Variants in TOLLIP observed in about 807,000 individuals in gnomAD.
TOLLIP encodes toll-interacting protein.
Under a neutral mutation model 33.5 loss-of-function variants are expected in TOLLIP, and 16 were observed. The ratio of observed to expected loss-of-function variants is 0.48; its 90% CI spans 0.32 to 0.72. The LOEUF is 0.72. Ranked by LOEUF, TOLLIP falls within the 30% of genes least tolerant of loss-of-function variation. The pLI is 0.03. For synonymous variants in TOLLIP, 176 were observed against 163.7 expected, an observed-to-expected ratio of 1.07 and a Z score of -0.57; for missense variants, 325 against 396.6, an observed-to-expected ratio of 0.82 and a Z score of 1.53.
chr11:1,282,443 A>AT (rs1863531930), intron 5 of TOLLIP, among the ~76,000 whole-genome samples: 1 of 151,848 alleles, frequency 6.6e-6, no homozygotes, highest in African/African-American at 2.4e-5. Context: ...CACATTGCGC[A>AT]CATGTACCCT....
At chr11:1,294,997 C>G (rs1284122017) in intron 2 of TOLLIP, among the ~76,000 whole-genome samples, 1 of 125,058 alleles carries the variant, frequency 8.0e-6, no homozygotes. Flanking sequence ...CGAAAGCCCG[C>G]GTGGCTCACG....
rs1864327302 is a variant in TOLLIP, at chr11:1,303,030, T to C, written c.33+6436A>G. ...ATGCCGGGAGGTTCCCTGGCTCTGCTAAAGTCTCAAAGCAAACACTAGAAT... is the reference window on the plus strand; with the variant it reads ...ATGCCGGGAGGTTCCCTGGCTCTGCCAAAGTCTCAAAGCAAACACTAGAAT... On this transcript the variant is annotated intron_variant, in intron 1 of 5. Coordinates refer to ENST00000317204, the MANE Select transcript of TOLLIP (RefSeq NM_019009.4). The surrounding 1 kb of genome is among the most constrained non-coding windows in gnomAD (Gnocchi z 4.2). Among the ~76,000 whole-genome samples, 1 of 152,140 alleles carries C rather than the reference T, an allele frequency of 6.6e-6. No individual in the cohort carries two copies. Among genetic ancestry groups the C allele is most frequent in the Non-Finnish European group, 1.5e-5 (1 of 68,024 alleles).
intron 4 of TOLLIP, among the ~76,000 whole-genome samples, chr11:1,287,391 TGCTGCCTCCCCGCC>T (rs1279718401): frequency 0.077 from 7,742 of 99,996 alleles, 2,203 homozygotes; most frequent in South Asian, 0.093. Context: ...AGCTCCCTGC[TGCTGCCTCCCCGCC>T]GCAGCCTCCC....
rs959500629 is a variant in TOLLIP at position 1,274,836 on chromosome 11, C to T, written c.*2203G>A. On this transcript the variant is annotated 3_prime_UTR_variant, in exon 6 of 6. Coordinates refer to ENST00000317204, the MANE Select transcript of TOLLIP (RefSeq NM_019009.4). ...GACAAGCCTGTCCTTCTGAGTGTGA[C>T]GACCTCATCCACACCTGACACAGGC... 8.6e-5 allele frequency: 13 copies of T among 151,874 alleles called. No individual in the cohort carries two copies. The highest frequency in any genetic ancestry group is 3.9e-4 in the East Asian group (2 of 5,166). 9.4% of individuals were successfully genotyped at this position (151,874 alleles called of 1,614,324 possible). A position where few individuals can be genotyped will look rare whatever the true frequency, so the allele number is the denominator to read the frequency against.
chr11:1,302,240 G>A (rs568620902), intron 1 of TOLLIP, among the ~76,000 whole-genome samples: 5 of 152,258 alleles, frequency 3.3e-5, no homozygotes, highest in Admixed American at 2.6e-4. Flanking sequence ...GGGCGGGAAC[G>A]CGCACCAGGG....
chr11:1,308,847 G>GT (rs1564983630), intron 1 of TOLLIP, among the ~76,000 whole-genome samples: 1 of 152,030 alleles, frequency 6.6e-6, no homozygotes, highest in African/African-American at 2.4e-5. Context: ...GCCTCCACCT[G>GT]GGGGGCCATC....
At position 1,309,242 on chromosome 11, in the gene TOLLIP, C is replaced by G. The variant is rs1489078626; in HGVS notation, c.33+224G>C. Among the ~76,000 whole-genome samples, 5 of 152,156 alleles carry G rather than the reference C, an allele frequency of 3.3e-5. No homozygotes were observed. The East Asian group carries it at 9.6e-4, about 29-fold the overall frequency. ...GCCTCCCCAAAGCTCTGCCCCGGCA[C>G]GGCGGTGAGCTCAAGCCTCCTGCAG... is the stretch of plus-strand genomic sequence containing the variant. On this transcript the variant is annotated intron_variant, in intron 1 of 5. Transcript: ENST00000317204.
intron 1 of TOLLIP, chr11:1,306,018 G>C (rs1864414019): frequency 6.6e-6 from 1 of 152,022 alleles, no homozygotes; most frequent in Admixed American, 6.6e-5. Context: ...CCTCGCAGGG[G>C]CCCCCACGGT....
chr11:1,280,565 C>T (rs1186345977), intron 5 of TOLLIP, among the ~76,000 whole-genome samples: 3 of 151,868 alleles, frequency 2.0e-5, no homozygotes, highest in Admixed American at 6.6e-5. Context: ...TGGAGGTGCA[C>T]GAGGGAACAG....
At chr11:1,289,248 G>A (rs561351011) in intron 3 of TOLLIP, among the ~76,000 whole-genome samples, 55 of 152,354 alleles carry the variant, frequency 3.6e-4, no homozygotes, top group African/African-American at 1.3e-3. Flanking sequence ...GGGCCAGGGA[G>A]GGGAAAGCAG....
intron 1 of TOLLIP, chr11:1,302,616 C>T (rs1022204176): frequency 2.3e-5 from 23 of 987,264 alleles, no homozygotes; most frequent in Non-Finnish European, 2.5e-5. Flanking sequence ...TCCAGCCAGC[C>T]TCGGCCTCAC....
intron 5 of TOLLIP, among the ~76,000 whole-genome samples, chr11:1,281,730 C>T (rs987215883): frequency 2.6e-5 from 4 of 152,266 alleles, no homozygotes; most frequent in Admixed American, 6.5e-5. Context: ...CAGCCAGCAC[C>T]GCGTAGCCAG....
intron 1 of TOLLIP, among the ~76,000 whole-genome samples, chr11:1,309,208 C>G (rs1006138334): frequency 3.9e-5 from 6 of 152,194 alleles, no homozygotes; most frequent in Non-Finnish European, 8.8e-5. Flanking sequence ...GGCCCCCTCC[C>G]CCGGGGCTGC....
At chr11:1,289,121 G>A (rs1029525107) in intron 3 of TOLLIP, among the ~76,000 whole-genome samples, 5 of 152,196 alleles carry the variant, frequency 3.3e-5, no homozygotes, top group African/African-American at 9.6e-5. Context: ...CCCCATCCTT[G>A]CTCCACCGGC....
intron 4 of TOLLIP, among the ~76,000 whole-genome samples, chr11:1,288,100 C>T (rs974039471): frequency 1.6e-4 from 25 of 152,096 alleles, no homozygotes; most frequent in Admixed American, 3.3e-4. Context: ...GGAGCCAGGG[C>T]GCTGACGTGC....
Position 1,277,074 on chromosome 11 carries a change from T to C in TOLLIP, c.790A>G (p.Ile264Val), listed in dbSNP as rs111986008. ...EAQRGNKDAA[I>V]NSLLQMGEEP ...TCCCCCATCTGCAGCAGGGAGTTGATGGCGGCATCCTTGTTCCCTCGCTGG... is the reference window on the plus strand; with the variant it reads ...TCCCCCATCTGCAGCAGGGAGTTGACGGCGGCATCCTTGTTCCCTCGCTGG... The change falls in exon 6 of 6, where the codon ATC (isoleucine) becomes GTC (valine). Residue 264 changes from isoleucine to valine, a missense_variant. By Grantham distance (29) the Ile-to-Val change is conservative. Coordinates refer to ENST00000317204, the MANE Select transcript of TOLLIP (RefSeq NM_019009.4). The surrounding 1 kb of genome is among the most constrained non-coding windows in gnomAD (Gnocchi z 4.2). 5,081 of 1,614,038 alleles carry C rather than the reference T, an allele frequency of 3.1e-3. 159 individuals are homozygous for C. The African/African-American group carries it at 0.059, about 19-fold the overall frequency.
Position 1,290,556 on chromosome 11 carries a change from T to C in TOLLIP, c.184-147A>G. On this transcript the variant is annotated intron_variant, in intron 2 of 5. Transcript: ENST00000317204. This position sits in a 1 kb window ranked among gnomAD's most constrained non-coding sequence, Gnocchi z 4.9. ...ACTCAGAGTCGCCTGAACACGGCTG[T>C]GACCTGCTTCCCAGGAGGCCAGGAG... 2 of 696,828 alleles carry C rather than the reference T, an allele frequency of 2.9e-6. No individual in the cohort carries two copies. Among genetic ancestry groups the C allele is most frequent in the Non-Finnish European group, 4.8e-6 (2 of 417,212 alleles). 43.2% of individuals were successfully genotyped at this position (696,828 alleles called of 1,614,324 possible).
In TOLLIP at chr11:1,290,366, T is replaced by G; in HGVS notation, c.227A>C (p.Tyr76Ser). The G allele has an allele frequency of 2.5e-6, 4 of 1,613,464 alleles. No homozygotes were observed. The highest frequency in any genetic ancestry group is 3.4e-6 in the Non-Finnish European group (4 of 1,179,952). ...KNYGMTRMDP[Y>S]CRLRLGYAVY... The stretch of plus-strand genomic sequence containing the variant: ...CGCGTAGCCCAGGCGCAGTCGGCAG[T>G]AGGGGTCCATGCGGGTCATGCCGTA... Residue 76 changes from tyrosine (Y) to serine (S), a missense_variant, in exon 3 of 6, where the codon TAC (tyrosine) becomes TCC (serine). Coordinates refer to ENST00000317204, the MANE Select transcript of TOLLIP (RefSeq NM_019009.4). The surrounding 1 kb of genome is among the most constrained non-coding windows in gnomAD (Gnocchi z 4.9).
At chr11:1,280,981 C>T (rs979198853) in intron 5 of TOLLIP, among the ~76,000 whole-genome samples, 1 of 152,226 alleles carries the variant, frequency 6.6e-6, no homozygotes, top group South Asian at 2.1e-4. Flanking sequence ...GCTGCTGTTG[C>T]CAGCCTGGCG....
Sources: allele counts gnomAD v4.1 joint callset (sites outside exome capture counted in the v4.1 genomes callset), GRCh38; gene constraint gnomAD v4.1.1; non-coding constraint Gnocchi (gnomAD v3.1); transcripts MANE v1.5; gene names NCBI Gene and HGNC (gene_info 2026-07-23, HGNC 2026-07-21).